The following SYT10 variants were observed in gnomAD, a reference collection of about 807,000 sequenced individuals.
SYT10 encodes the protein synaptotagmin 10, also known as synaptotagmin-10.
Under a neutral mutation model 51.1 loss-of-function variants are expected in SYT10, and 31 were observed. The observed-to-expected ratio is 0.61, with a 90% CI of 0.46 to 0.82. SYT10 has a LOEUF of 0.82. SYT10 is among the 40% of genes least tolerant of loss of function. The probability of loss-of-function intolerance (pLI) is 0.00; values close to 1 mark genes in which losing one functional copy is unlikely to be tolerated. For missense variants in SYT10, 603 were observed against 634.0 expected, an observed-to-expected ratio of 0.95 and a Z score of 0.53; for synonymous variants, 233 against 225.9, an observed-to-expected ratio of 1.03 and a Z score of -0.28.
At chr12:33,420,282 T>C (rs1253654036) in intron 2 of SYT10, among the ~76,000 whole-genome samples, 1 of 152,194 alleles carries the variant, frequency 6.6e-6, no homozygotes, top group Non-Finnish European at 1.5e-5. Context: ...TATTTCATCA[T>C]AAACATTTAC....
At chr12:33,418,698 T>C (rs1160981986) in intron 2 of SYT10, among the ~76,000 whole-genome samples, 4 of 152,194 alleles carry the variant, frequency 2.6e-5, no homozygotes, top group Non-Finnish European at 4.4e-5. Context: ...CAGGATGGTC[T>C]GTTTCTTACA....
intron 3 of SYT10, among the ~76,000 whole-genome samples, chr12:33,397,211 A>G (rs1301860540): frequency 6.6e-6 from 1 of 152,198 alleles, no homozygotes; most frequent in Non-Finnish European, 1.5e-5. Flanking sequence ...TCCAGCAGGA[A>G]ACAGATGGCA....
At chr12:33,436,151 T>C (rs1158864041) in intron 1 of SYT10, among the ~76,000 whole-genome samples, 2 of 152,138 alleles carry the variant, frequency 1.3e-5, no homozygotes, top group African/African-American at 4.8e-5. Flanking sequence ...TGATGAGCAT[T>C]TGAGCAGCAA....
At chr12:33,422,507 CA>C (rs1189845363) in intron 2 of SYT10, among the ~76,000 whole-genome samples, 1 of 151,914 alleles carries the variant, frequency 6.6e-6, no homozygotes, top group African/African-American at 2.4e-5. Context: ...TTTTTTTTGA[CA>C]AGAGAGACTC....
intron 1 of SYT10, among the ~76,000 whole-genome samples, chr12:33,435,530 T>A (rs1866631619): frequency 6.6e-6 from 1 of 152,232 alleles, no homozygotes; most frequent in Admixed American, 6.5e-5. Context: ...AACAGGCCTA[T>A]CATTCTGAAT....
chr12:33,395,018 G>T (rs1305618610), intron 3 of SYT10, among the ~76,000 whole-genome samples: 3 of 152,224 alleles, frequency 2.0e-5, no homozygotes, highest in African/African-American at 7.2e-5. Context: ...AAGCCAGGAG[G>T]TGGAGCTTGC....
Position 33,385,226 on chromosome 12 carries a change from T to C in SYT10, c.1143A>G (p.Thr381=), listed in dbSNP as rs1296846255. The C allele has an allele frequency of 6.2e-7, 1 of 1,613,704 alleles. No homozygotes were observed. The highest frequency in any genetic ancestry group is 1.7e-5 in the Admixed American group (1 of 59,980). ...GATTTCTGCACTTAATGACTGTCAA[T>C]GTCATACGCCCAGCCGTCGGTAGGT... is the stretch of plus-strand genomic sequence containing the variant. ...LCYLPTAGRM[T]LTVIKCRNLK... The change falls in exon 4 of 7, where the codon ACA becomes ACG. Residue 381 remains threonine (T), a synonymous_variant. Coordinates refer to ENST00000228567, the MANE Select transcript of SYT10 (RefSeq NM_198992.4).
chr12:33,379,694 G>T, intron 6 of SYT10, 138 bp downstream of exon 6: 1 of 1,196,822 alleles, frequency 8.4e-7, no homozygotes, highest in Non-Finnish European at 1.1e-6. Flanking sequence ...GACAATGTGG[G>T]ACAAAAGCAA....
intron 1 of SYT10, among the ~76,000 whole-genome samples, chr12:33,428,098 G>T (rs1210481473): frequency 1.3e-5 from 2 of 152,186 alleles, no homozygotes; most frequent in Non-Finnish European, 2.9e-5. Flanking sequence ...TGCTGAAATG[G>T]GAAAGAAAAG....
At chr12:33,405,180 T>C (rs1213754325) in intron 3 of SYT10, 3 of 152,150 alleles carry the variant, frequency 2.0e-5, no homozygotes, top group Admixed American at 6.5e-5. Context: ...CAAACATATA[T>C]AGGTAAATAT....
Position 33,376,867 on chromosome 12 carries a change from C to G in SYT10, c.1535G>C (p.Gly512Ala), listed in dbSNP as rs998338431. Reference sequence around the variant, plus strand: ...AGGTGGTTTAGGAGAAGGGCAGGATCCTTGACTATCAAAACTGGTCGCCCG... The same window carrying G: ...AGGTGGTTTAGGAGAAGGGCAGGATGCTTGACTATCAAAACTGGTCGCCCG... ...PGRATSFDSQ[G>A]SCPSPKPPST... The change falls in exon 7 of 7, where the codon GGA becomes GCA. Residue 512 changes from glycine to alanine, a missense_variant. Transcript: ENST00000228567. 1.2e-6 allele frequency: 2 copies of G among 1,613,870 alleles called. No homozygotes were observed. Among genetic ancestry groups the G allele is most frequent in the African/African-American group, 2.7e-5 (2 of 74,874 alleles).
chr12:33,377,680 T>A (rs1204285921), intron 6 of SYT10, among the ~76,000 whole-genome samples: 11 of 143,916 alleles, frequency 7.6e-5, no homozygotes, highest in African/African-American at 2.8e-4. Context: ...CAGGCTGGAG[T>A]GTAGTGGTGA....
intron 5 of SYT10, among the ~76,000 whole-genome samples, chr12:33,381,414 C>CT (rs1226112758): frequency 6.6e-6 from 1 of 152,054 alleles, no homozygotes; most frequent in Non-Finnish European, 1.5e-5. Flanking sequence ...AATAAATATA[C>CT]TAAGGTACTG....
chr12:33,385,063 A>G (rs1407375791), intron 4 of SYT10, 108 bp downstream of exon 4: 21 of 1,314,488 alleles, frequency 1.6e-5, no homozygotes, highest in Non-Finnish European at 2.2e-5. Flanking sequence ...TTTCTTTTGT[A>G]GTACTCCCAT....
In SYT10 at chr12:33,390,935, G is replaced by T. The variant is rs544553976; in HGVS notation, c.1078-5644C>A. ...ATGTTAAATTACGTTTTTTTTTGTT[G>T]TTGTTGTTGTTTTGTTTTTTTGAGA... On this transcript the variant is annotated intron_variant, in intron 3 of 6. Coordinates refer to ENST00000228567, the MANE Select transcript of SYT10 (RefSeq NM_198992.4). Among the ~76,000 whole-genome samples, 1,030 of 151,456 alleles carry T rather than the reference G, an allele frequency of 6.8e-3. 10 individuals carry two copies. The highest frequency in any genetic ancestry group is 0.023 in the African/African-American group (951 of 41,328).
chr12:33,410,931 A>G (rs1163484419), intron 2 of SYT10, among the ~76,000 whole-genome samples: 1 of 152,226 alleles, frequency 6.6e-6, no homozygotes, highest in Non-Finnish European at 1.5e-5. Context: ...CTAACATAGG[A>G]GTACTTACGA....
chr12:33,393,300 ACT>A (rs775261137), intron 3 of SYT10, among the ~76,000 whole-genome samples: 1 of 152,174 alleles, frequency 6.6e-6, no homozygotes, highest in Non-Finnish European at 1.5e-5. Flanking sequence ...TCTTCCTCAT[ACT>A]GGTTAAGAGA....
chr12:33,389,613 T>TC (rs1866187100), intron 3 of SYT10, among the ~76,000 whole-genome samples: 1 of 152,018 alleles, frequency 6.6e-6, no homozygotes. Flanking sequence ...AGTGATATAT[T>TC]AGGAAGTAAG....
chr12:33,380,075 G>T, intron 5 of SYT10, 114 bp from the exon 6 acceptor site: 1 of 1,138,300 alleles, frequency 8.8e-7, no homozygotes, highest in Non-Finnish European at 1.2e-6. Context: ...CTGTAATTTT[G>T]CAGATTATGC....
Sources: allele counts gnomAD v4.1 joint callset (sites outside exome capture counted in the v4.1 genomes callset), GRCh38; gene constraint gnomAD v4.1.1; transcripts MANE v1.5; gene names NCBI Gene and HGNC (gene_info 2026-07-23, HGNC 2026-07-21).